The following MINDY3 variants were observed in gnomAD, a reference collection of about 807,000 sequenced individuals.
The protein encoded by MINDY3 is ubiquitin carboxyl-terminal hydrolase MINDY-3.
In MINDY3, 38 loss-of-function variants were observed where a neutral mutation model predicts 69.2. The observed-to-expected ratio is 0.55, with a 90% CI of 0.42 to 0.72. The LOEUF (loss-of-function observed/expected upper bound fraction) is 0.72. Ranked by LOEUF, MINDY3 falls within the 30% of genes least tolerant of loss-of-function variation. The pLI is 0.00. For missense variants in MINDY3, 522 were observed against 519.0 expected (o/e 1.01, Z -0.06); for synonymous variants, 192 against 180.1 (o/e 1.07, Z -0.53).
intron 2 of MINDY3, among the ~76,000 whole-genome samples, chr10:15,846,722 T>G (rs758140492): frequency 1.5e-3 from 213 of 141,510 alleles, no homozygotes; most frequent in Non-Finnish European, 2.1e-3. Context: ...AGTTTAGGAA[T>G]GCATTTTTTT....
At chr10:15,785,006 ACTTGCAGGG>A (rs1298476245) in intron 13 of MINDY3, among the ~76,000 whole-genome samples, 2 of 152,106 alleles carry the variant, frequency 1.3e-5, no homozygotes, top group East Asian at 3.9e-4. Flanking sequence ...CCTCCAGATC[ACTTGCAGGG>A]CTTGTTAGAC....
intron 6 of MINDY3, among the ~76,000 whole-genome samples, chr10:15,836,582 T>C (rs562313614): frequency 6.6e-6 from 1 of 152,004 alleles, no homozygotes; most frequent in South Asian, 2.1e-4. Context: ...AACACGTTAC[T>C]AGAGCTATGA....
At chr10:15,793,102 ATATCTT>A (rs1339781184) in intron 11 of MINDY3, among the ~76,000 whole-genome samples, 1 of 152,128 alleles carries the variant, frequency 6.6e-6, no homozygotes, top group African/African-American at 2.4e-5. Context: ...TCATATTAAT[ATATCTT>A]TATCAATCAT....
chr10:15,787,702 C>T (rs1264282502), intron 12 of MINDY3, among the ~76,000 whole-genome samples: 4 of 152,150 alleles, frequency 2.6e-5, no homozygotes, highest in African/African-American at 7.2e-5. Context: ...TCCTACCTGA[C>T]GTCTAGTATT....
At chr10:15,812,358 T>G (rs1245718450) in intron 10 of MINDY3, among the ~76,000 whole-genome samples, 1 of 152,238 alleles carries the variant, frequency 6.6e-6, no homozygotes, top group East Asian at 1.9e-4. Flanking sequence ...ACTTTATTAA[T>G]TCACTTAACA....
chr10:15,802,525 C>G (rs769340046), intron 10 of MINDY3, among the ~76,000 whole-genome samples: 1 of 152,052 alleles, frequency 6.6e-6, no homozygotes, highest in Non-Finnish European at 1.5e-5. Flanking sequence ...ATGACTCAAT[C>G]GCCTCCCACC....
intron 9 of MINDY3, among the ~76,000 whole-genome samples, chr10:15,821,033 G>A (rs1839721769): frequency 6.6e-6 from 1 of 152,088 alleles, no homozygotes; most frequent in Non-Finnish European, 1.5e-5. Context: ...AGTCAATAAT[G>A]GTTTAAATTC....
rs550667784 is a variant in MINDY3 at position 15,796,317 on chromosome 10, T to C, written c.883-145A>G. ...TATCATAGATGTGTAACGAGATAGG[T>C]CATAAACTCTCCAGGCCATTTATTT... On this transcript the variant is annotated intron_variant, in intron 10 of 14. Transcript: ENST00000277632. 2.6e-4 allele frequency: 164 copies of C among 638,528 alleles called. 1 individual carries two copies. The East Asian group carries it at 4.1e-3, about 16-fold the overall frequency. The allele number at this position is 638,528 out of a possible 1,614,324, so 39.6% of individuals were successfully genotyped here. A position where few individuals can be genotyped will look rare whatever the true frequency, so the allele number is the denominator to read the frequency against.
chr10:15,792,183 G>T (rs955133646), intron 11 of MINDY3, among the ~76,000 whole-genome samples: 15 of 151,906 alleles, frequency 9.9e-5, no homozygotes, highest in African/African-American at 2.9e-4. Flanking sequence ...AAAAGCAAGT[G>T]ACCTTTTCCC....
At chr10:15,839,299 C>T (rs899648638) in intron 4 of MINDY3, among the ~76,000 whole-genome samples, 2 of 151,460 alleles carry the variant, frequency 1.3e-5, no homozygotes, top group African/African-American at 2.4e-5. Context: ...TAAGTTATTT[C>T]TTGGTTTATG....
chr10:15,826,131 G>C (rs1048751118), intron 8 of MINDY3, among the ~76,000 whole-genome samples: 1 of 152,148 alleles, frequency 6.6e-6, no homozygotes, highest in Non-Finnish European at 1.5e-5. Context: ...AATGAAGATG[G>C]ATGGCAGGTA....
chr10:15,795,804 A>G (rs1226954251), intron 11 of MINDY3, among the ~76,000 whole-genome samples: 1 of 151,974 alleles, frequency 6.6e-6, no homozygotes, highest in Non-Finnish European at 1.5e-5. Flanking sequence ...AAAATGATTT[A>G]CTTTTCAAAC....
At chr10:15,804,026 G>A (rs187905623) in intron 10 of MINDY3, among the ~76,000 whole-genome samples, 2 of 152,194 alleles carry the variant, frequency 1.3e-5, no homozygotes, top group African/African-American at 4.8e-5. Flanking sequence ...ATTACATACT[G>A]TTTTAGTTAG....
chr10:15,832,856 G>A lies in MINDY3; in HGVS notation c.730+774C>T, dbSNP rs111419033. On this transcript the variant is annotated intron_variant, in intron 8 of 14. Transcript: ENST00000277632. ...GGAAGATCATGAATCACTTCAATGG[G>A]AGCAAAAAGTGGTAACTATTATTTT... Among the ~76,000 whole-genome samples the A allele has an allele frequency of 4.6e-5, 7 of 152,152 alleles. 1 individual carries two copies. The highest frequency in any genetic ancestry group is 1.7e-4 in the African/African-American group (7 of 41,532).
At chr10:15,789,923 T>G (rs1270109529) in intron 11 of MINDY3, among the ~76,000 whole-genome samples, 1 of 152,138 alleles carries the variant, frequency 6.6e-6, no homozygotes, top group Non-Finnish European at 1.5e-5. Context: ...CAAACTCTGA[T>G]GATGCAACAG....
chr10:15,827,725 CCT>C (rs1162485235), intron 8 of MINDY3, among the ~76,000 whole-genome samples: 1 of 152,032 alleles, frequency 6.6e-6, no homozygotes, highest in Non-Finnish European at 1.5e-5. Context: ...AATAACTCCT[CCT>C]CCCCAAAAGC....
rs181098957 is a variant in MINDY3 at position 15,785,351 on chromosome 10, C to T, written c.1116+1210G>A. Among the ~76,000 whole-genome samples the T allele has an allele frequency of 2.8e-3, 428 of 152,270 alleles. 1 individual carries two copies. The highest frequency in any genetic ancestry group is 5.8e-3 in the Admixed American group (89 of 15,278). ...AACCCTCTTTTTACCTAAAAAATTA[C>T]TACAAGTAACTGTCTCACTTTACAT... On this transcript the variant is annotated intron_variant, in intron 13 of 14. Transcript: ENST00000277632.
chr10:15,801,453 C>G lies in MINDY3; in HGVS notation c.883-5281G>C, dbSNP rs114051998. Among the ~76,000 whole-genome samples, 451 of 152,100 alleles carry G rather than the reference C, an allele frequency of 3.0e-3. 3 individuals are homozygous for G. Among genetic ancestry groups the G allele is most frequent in the African/African-American group, 0.011 (437 of 41,496 alleles). On this transcript the variant is annotated intron_variant, in intron 10 of 14. Transcript: ENST00000277632. ...CTGTGTACCTGAAGTTACCTAGTACCCTGCCAGTAAGAGACCACCTTTTAA... is the reference window on the plus strand; with the variant it reads ...CTGTGTACCTGAAGTTACCTAGTACGCTGCCAGTAAGAGACCACCTTTTAA...
At chr10:15,834,706 A>G (rs1479677724) in intron 6 of MINDY3, 90 bp from the exon 7 acceptor site, 26 of 769,572 alleles carry the variant, frequency 3.4e-5, no homozygotes, top group Non-Finnish European at 5.1e-5. Context: ...CTATAAACTA[A>G]TACAATTATT....
Sources: gnomAD v4.1 joint callset for allele counts (sites outside exome capture counted in the v4.1 genomes callset) on GRCh38, gnomAD v4.1.1 for gene constraint, MANE v1.5 for transcripts, NCBI Gene and HGNC (gene_info 2026-07-23, HGNC 2026-07-21) for gene names.